The following VWA8 variants were observed in gnomAD, a reference collection of about 807,000 sequenced individuals.
VWA8 encodes von Willebrand factor A domain-containing protein 8.
In VWA8, 221 loss-of-function variants were observed where a neutral mutation model predicts 241.5. That is an observed-to-expected ratio of 0.91 (90% CI 0.82 to 1.02). The LOEUF (loss-of-function observed/expected upper bound fraction) is 1.02. VWA8 is among the 50% of genes least tolerant of loss of function. VWA8 has a pLI of 0.00. For synonymous variants in VWA8, 852 were observed against 827.1 expected (o/e 1.03, Z -0.52); for missense variants, 2,322 against 2,328.7 (o/e 1.00, Z 0.06).
At chr13:41,802,202 C>T (rs1869990721) in intron 17 of VWA8, among the ~76,000 whole-genome samples, 1 of 152,194 alleles carries the variant, frequency 6.6e-6, no homozygotes, top group Admixed American at 6.5e-5. Context: ...GAGAAAGAAT[C>T]TGTGTGCTTG....
chr13:41,626,999 A>G (rs1394505188), intron 37 of VWA8, among the ~76,000 whole-genome samples: 1 of 152,174 alleles, frequency 6.6e-6, no homozygotes, highest in East Asian at 1.9e-4. Context: ...GGAGTGGGAG[A>G]AAATATTTGC....
intron 20 of VWA8, among the ~76,000 whole-genome samples, chr13:41,770,440 CAAAAAAAAA>C (rs35797822): frequency 0.021 from 2,111 of 102,436 alleles, 18 homozygotes; most frequent in South Asian, 0.027. Context: ...GACTCCGTTT[CAAAAAAAAA>C]AAAAAAAAGA....
intron 27 of VWA8, 86 bp from the exon 28 acceptor site, chr13:41,701,616 T>A: frequency 1.5e-6 from 2 of 1,294,400 alleles, no homozygotes; most frequent in African/African-American, 1.5e-5. Context: ...ATATAAACTT[T>A]AACATTCAAG....
At chr13:41,826,822 C>T (rs759601159) in intron 14 of VWA8, among the ~76,000 whole-genome samples, 4 of 151,692 alleles carry the variant, frequency 2.6e-5, no homozygotes, top group Non-Finnish European at 5.9e-5. Flanking sequence ...TGCAGTGAGC[C>T]GAGATTGTGC....
intron 25 of VWA8, 118 bp from the exon 26 acceptor site, chr13:41,719,860 T>A: frequency 1.0e-6 from 1 of 963,610 alleles, no homozygotes; most frequent in Non-Finnish European, 1.5e-6. Context: ...TTTACTGGCC[T>A]TGTCAAATAA....
rs138342490 is a variant in VWA8 at position 41,663,710 on chromosome 13, T to C, written c.4611+7236A>G. ...CCTCATTCCCCCTAATAAAGTGCTA[T>C]CATAAACAAATCAATATTGTTTACC... On this transcript the variant is annotated intron_variant, in intron 37 of 44. Transcript: ENST00000379310. 4.3e-3 allele frequency among the ~76,000 whole-genome samples: 650 copies of C among 152,054 alleles called. 4 individuals carry two copies. The highest frequency in any genetic ancestry group is 0.015 in the African/African-American group (617 of 41,522).
chr13:41,943,615 C>T (rs1303129672), intron 2 of VWA8, among the ~76,000 whole-genome samples: 1 of 152,094 alleles, frequency 6.6e-6, no homozygotes, highest in East Asian at 1.9e-4. Flanking sequence ...ATTCATAATA[C>T]TTATACATGA....
chr13:41,783,138 T>C (rs1282673754), intron 19 of VWA8, among the ~76,000 whole-genome samples: 1 of 149,864 alleles, frequency 6.7e-6, no homozygotes, highest in Non-Finnish European at 1.5e-5. Flanking sequence ...AATTTAAAAA[T>C]TGCATATAAA....
intron 37 of VWA8, among the ~76,000 whole-genome samples, chr13:41,626,038 C>T (rs1336275960): frequency 7.4e-6 from 1 of 135,456 alleles, no homozygotes; most frequent in Non-Finnish European, 1.5e-5. Context: ...ACAATGAGAA[C>T]ACATGGACAC....
chr13:41,572,171 G>C (rs529705660), intron 43 of VWA8, among the ~76,000 whole-genome samples: 1 of 151,220 alleles, frequency 6.6e-6, no homozygotes, highest in South Asian at 2.1e-4. Context: ...GTCCGGGAGG[G>C]AGGTGGGGGG....
chr13:41,947,603 T>A (rs1315794461), intron 2 of VWA8, among the ~76,000 whole-genome samples: 1 of 152,150 alleles, frequency 6.6e-6, no homozygotes, highest in African/African-American at 2.4e-5. Context: ...TCCTCACACA[T>A]TGCTAGTTAG....
chr13:41,901,835 C>T (rs2875451), intron 4 of VWA8, among the ~76,000 whole-genome samples: 31,492 of 126,824 alleles, frequency 0.25, 3,703 homozygotes, highest in Middle Eastern at 0.37. Flanking sequence ...CACTGCACTC[C>T]AGCCTGGGTG....
intron 17 of VWA8, among the ~76,000 whole-genome samples, chr13:41,803,712 C>A (rs1170879645): frequency 1.3e-5 from 2 of 152,152 alleles, no homozygotes; most frequent in Non-Finnish European, 2.9e-5. Flanking sequence ...GGTGGGGACA[C>A]AGCCAAACCA....
chr13:41,578,561 T>C (rs1397981930), intron 42 of VWA8, among the ~76,000 whole-genome samples: 2 of 152,196 alleles, frequency 1.3e-5, no homozygotes, highest in African/African-American at 2.4e-5. Context: ...ATGCATACTC[T>C]CATTCATTTC....
chr13:41,583,577 A>G (rs2044397576), intron 42 of VWA8, among the ~76,000 whole-genome samples: 1 of 145,042 alleles, frequency 6.9e-6, no homozygotes, highest in South Asian at 2.3e-4. Flanking sequence ...TGGGAGGCGG[A>G]GGCTGCAGTG....
At chr13:41,740,816 C>T (rs1055758328) in intron 21 of VWA8, among the ~76,000 whole-genome samples, 1 of 152,188 alleles carries the variant, frequency 6.6e-6, no homozygotes, top group Non-Finnish European at 1.5e-5. Context: ...GTTTTCTCAT[C>T]TGAGTTTAGG....
intron 40 of VWA8, among the ~76,000 whole-genome samples, chr13:41,591,894 G>A (rs28604936): frequency 1.5e-5 from 2 of 134,282 alleles, no homozygotes; most frequent in Non-Finnish European, 3.2e-5. Context: ...CAACCATTGT[G>A]GAAGTCAGTG....
chr13:41,705,049 A>T (rs1166278719), intron 26 of VWA8, among the ~76,000 whole-genome samples: 1 of 152,228 alleles, frequency 6.6e-6, no homozygotes, highest in Non-Finnish European at 1.5e-5. Flanking sequence ...AAAATAATGG[A>T]AGCAAACATT....
chr13:41,832,839 A>C (rs1871528562), intron 13 of VWA8, among the ~76,000 whole-genome samples: 1 of 152,170 alleles, frequency 6.6e-6, no homozygotes, highest in Non-Finnish European at 1.5e-5. Context: ...AACAATAGTT[A>C]TAGAAATGTT....
Sources: allele counts gnomAD v4.1 joint callset (sites outside exome capture counted in the v4.1 genomes callset), GRCh38; gene constraint gnomAD v4.1.1; transcripts MANE v1.5; gene names NCBI Gene and HGNC (gene_info 2026-07-23, HGNC 2026-07-21).